EPB41L4A: variants seen among roughly 807,000 people sequenced by gnomAD.
The protein encoded by EPB41L4A is band 4.1-like protein 4A.
In EPB41L4A, 100 loss-of-function variants were observed where a neutral mutation model predicts 108.6. That is an observed-to-expected ratio of 0.92 (90% CI 0.78 to 1.09). The LOEUF (loss-of-function observed/expected upper bound fraction) is 1.09, where lower values mean the gene tolerates loss of function less well. Ranked by LOEUF, EPB41L4A falls within the 50% of genes least tolerant of loss-of-function variation. EPB41L4A has a pLI of 0.00. For synonymous variants in EPB41L4A, 319 were observed against 289.0 expected (o/e 1.10, Z -1.05); for missense variants, 1,030 against 842.7 (o/e 1.22, Z -2.75).
chr5:112,309,289 T>C (rs944403229), intron 1 of EPB41L4A, among the ~76,000 whole-genome samples: 2 of 152,222 alleles, frequency 1.3e-5, no homozygotes, highest in African/African-American at 4.8e-5. Context: ...TTTTGATGTA[T>C]GTAGTTTAAT....
intron 1 of EPB41L4A, among the ~76,000 whole-genome samples, chr5:112,395,392 A>G (rs980791083): frequency 6.6e-5 from 10 of 152,210 alleles, no homozygotes; most frequent in African/African-American, 1.2e-4. Context: ...CTTAAAACAA[A>G]TTTAGAAGAA....
At chr5:112,327,098 A>T (rs76986037) in intron 1 of EPB41L4A, among the ~76,000 whole-genome samples, 2,252 of 152,194 alleles carry the variant, frequency 0.015, 59 homozygotes, top group African/African-American at 0.052. Context: ...GGCTGAGAAA[A>T]CTCAGCTGAG....
chr5:112,296,020 T>G (rs184752339), intron 2 of EPB41L4A, among the ~76,000 whole-genome samples: 1 of 152,304 alleles, frequency 6.6e-6, no homozygotes, highest in African/African-American at 2.4e-5. Context: ...TTTATTTAAA[T>G]TGACAAAATG....
intron 12 of EPB41L4A, among the ~76,000 whole-genome samples, chr5:112,229,415 T>G (rs1580478015): frequency 6.6e-6 from 1 of 152,268 alleles, no homozygotes; most frequent in East Asian, 1.9e-4. Flanking sequence ...TATTTATTTA[T>G]TATTTTTATT....
At chr5:112,194,824 C>G (rs543059306) in intron 16 of EPB41L4A, among the ~76,000 whole-genome samples, 179 bp from the exon 17 acceptor site, 1 of 152,256 alleles carries the variant, frequency 6.6e-6, no homozygotes, top group East Asian at 1.9e-4. Flanking sequence ...AGACATCTGA[C>G]TGAGTCTATA....
intron 2 of EPB41L4A, among the ~76,000 whole-genome samples, chr5:112,303,296 T>C (rs1168200337): frequency 6.6e-6 from 1 of 152,060 alleles, no homozygotes; most frequent in Non-Finnish European, 1.5e-5. Context: ...CTGCTAGAGC[T>C]CAATGGATGA....
chr5:112,272,781 C>CAAAA lies in EPB41L4A; in HGVS notation c.335+2541_335+2544dup, dbSNP rs35621227. On this transcript the variant is annotated intron_variant, in intron 4 of 22. Transcript: ENST00000261486. ...GGGTGACAAGAGCAAAACTCCGTCTCAAAAAAAAAAAAAAAAAAGACTGGG... is the reference window on the plus strand; with the variant it reads ...GGGTGACAAGAGCAAAACTCCGTCTCAAAAAAAAAAAAAAAAAAAAAAGACTGGG... Among the ~76,000 whole-genome samples the CAAAA allele has an allele frequency of 9.8e-3, 881 of 90,346 alleles. 37 individuals are homozygous for CAAAA. The highest frequency in any genetic ancestry group is 0.011 in the Non-Finnish European group (563 of 49,132). 59.3% of individuals were successfully genotyped at this position (90,346 alleles called of 152,430 possible). A position where few individuals can be genotyped will look rare whatever the true frequency, so the allele number is the denominator to read the frequency against.
chr5:112,149,161 G>T (rs1759372207), intron 12 of EPB41L4A, among the ~76,000 whole-genome samples: 1 of 152,094 alleles, frequency 6.6e-6, no homozygotes, highest in African/African-American at 2.4e-5. Context: ...GGTTCCCAAA[G>T]AATTAGATCA....
chr5:112,335,979 A>G (rs536624613), intron 1 of EPB41L4A, among the ~76,000 whole-genome samples: 33 of 151,932 alleles, frequency 2.2e-4, no homozygotes, highest in African/African-American at 8.0e-4. Context: ...GTCTTTTTTA[A>G]TCCATCAGGC....
At chr5:112,236,144 G>T (rs1749315898) in intron 11 of EPB41L4A, among the ~76,000 whole-genome samples, 1 of 152,120 alleles carries the variant, frequency 6.6e-6, no homozygotes, top group African/African-American at 2.4e-5. Context: ...TTCACAGTCA[G>T]ATTTTTTTTA....
intron 1 of EPB41L4A, among the ~76,000 whole-genome samples, chr5:112,402,985 T>C (rs1038371420): frequency 6.6e-6 from 1 of 152,020 alleles, no homozygotes; most frequent in Non-Finnish European, 1.5e-5. Context: ...GTCATGTCAC[T>C]TATTTTTCTC....
At chr5:112,419,466 C>T (rs1249117825), upstream of EPB41L4A, 2 of 363,108 alleles carry the variant, frequency 5.5e-6, no homozygotes, top group East Asian at 1.5e-4. Context: ...GGAAGCGCTG[C>T]ACCTCCCTCC....
At chr5:112,318,630 G>T (rs920117555) in intron 1 of EPB41L4A, among the ~76,000 whole-genome samples, 6 of 152,142 alleles carry the variant, frequency 3.9e-5, no homozygotes, top group African/African-American at 1.4e-4. Flanking sequence ...GCCCAGCCAA[G>T]CCTTGCTCAC....
chr5:112,247,651 G>A (rs1750345608), intron 9 of EPB41L4A, among the ~76,000 whole-genome samples: 1 of 152,034 alleles, frequency 6.6e-6, no homozygotes, highest in South Asian at 2.1e-4. Context: ...CAAGACTTTT[G>A]GAATTCGCTG....
intron 1 of EPB41L4A, among the ~76,000 whole-genome samples, chr5:112,353,166 C>T (rs2150737144): frequency 6.6e-6 from 1 of 152,284 alleles, no homozygotes; most frequent in South Asian, 2.1e-4. Context: ...TTGCTGGGGA[C>T]AAGGACACCA....
intron 9 of EPB41L4A, among the ~76,000 whole-genome samples, chr5:112,255,904 T>G (rs1427880973): frequency 6.6e-6 from 1 of 152,230 alleles, no homozygotes; most frequent in East Asian, 1.9e-4. Flanking sequence ...GCTCTATCCA[T>G]AGCCTTCCCC....
At chr5:112,279,550 G>A (rs1028316735) in intron 3 of EPB41L4A, among the ~76,000 whole-genome samples, 18 of 152,094 alleles carry the variant, frequency 1.2e-4, no homozygotes, top group African/African-American at 4.3e-4. Flanking sequence ...TAATGCCACT[G>A]AATTGCACAC....
intron 1 of EPB41L4A, among the ~76,000 whole-genome samples, chr5:112,318,603 T>C (rs1164821606): frequency 6.6e-6 from 1 of 152,142 alleles, no homozygotes; most frequent in African/African-American, 2.4e-5. Context: ...ACAGTCAACA[T>C]CACATGGAGA....
At chr5:112,169,129 G>A (rs751258543) in intron 20 of EPB41L4A, 24 bp from the exon 21 acceptor site, 1 of 1,514,186 alleles carries the variant, frequency 6.6e-7, no homozygotes, top group South Asian at 1.1e-5. Flanking sequence ...CAAGAAACAT[G>A]AAAACAAACA....
Sources: allele counts gnomAD v4.1 joint callset (sites outside exome capture counted in the v4.1 genomes callset), GRCh38; gene constraint gnomAD v4.1.1; transcripts MANE v1.5; gene names NCBI Gene and HGNC (gene_info 2026-07-23, HGNC 2026-07-21).